SEC16B: variants seen among roughly 807,000 people sequenced by gnomAD.
The protein encoded by SEC16B is SEC16 homolog B, endoplasmic reticulum export factor, also known as protein transport protein Sec16B.
Under a neutral mutation model 141.8 loss-of-function variants are expected in SEC16B, and 115 were observed. The ratio of observed to expected loss-of-function variants is 0.81; its 90% CI spans 0.70 to 0.95. SEC16B has a LOEUF of 0.95. SEC16B is among the 40% of genes least tolerant of loss of function. The pLI is 0.00. For synonymous variants in SEC16B, 493 were observed against 492.5 expected (o/e 1.00, Z -0.01); for missense variants, 1,291 against 1,312.3 (o/e 0.98, Z 0.25).
intron 1 of SEC16B, among the ~76,000 whole-genome samples, chr1:177,977,440 T>C (rs1654213670): frequency 6.6e-6 from 1 of 152,160 alleles, no homozygotes; most frequent in South Asian, 2.1e-4. Flanking sequence ...AAAAATATCA[T>C]ATTATATAAG....
At chr1:177,968,297 CA>C (rs1462464631) in intron 1 of SEC16B, among the ~76,000 whole-genome samples, 2 of 152,146 alleles carry the variant, frequency 1.3e-5, no homozygotes, top group African/African-American at 4.8e-5. Context: ...GCAAGGGAGA[CA>C]GATAACAATA....
intron 1 of SEC16B, 25 bp downstream of exon 1, chr1:177,969,859 G>A (rs1256511245): frequency 6.6e-6 from 1 of 152,172 alleles, no homozygotes; most frequent in East Asian, 1.9e-4. Flanking sequence ...AGAGGGGAAA[G>A]AAGGGAGCGA....
chr1:177,940,338 A>T (rs1651182587), intron 17 of SEC16B, among the ~76,000 whole-genome samples: 1 of 152,132 alleles, frequency 6.6e-6, no homozygotes, highest in South Asian at 2.1e-4. Flanking sequence ...GGCCTCAGGG[A>T]AGGATGGCAA....
At chr1:177,935,144 C>G (rs1385068715) in intron 20 of SEC16B, among the ~76,000 whole-genome samples, 2 of 152,090 alleles carry the variant, frequency 1.3e-5, no homozygotes, top group African/African-American at 4.8e-5. Flanking sequence ...ACTTGAAGGC[C>G]TCCTCAGAGA....
intron 10 of SEC16B, among the ~76,000 whole-genome samples, chr1:177,955,256 G>A (rs1486193597): frequency 1.3e-5 from 2 of 152,098 alleles, no homozygotes; most frequent in Non-Finnish European, 2.9e-5. Context: ...TACACTTTGG[G>A]AGGTGGAGGG....
chr1:177,972,515 T>C (rs146358277), upstream of SEC16B, among the ~76,000 whole-genome samples: 38 of 152,306 alleles, frequency 2.5e-4, no homozygotes, highest in African/African-American at 8.7e-4. Context: ...GGCTCCCTCA[T>C]GCCCAAATGG....
At chr1:177,960,214 T>C (rs1301266986) in intron 8 of SEC16B, 128 bp downstream of exon 8, 1 of 686,162 alleles carries the variant, frequency 1.5e-6, no homozygotes, top group Non-Finnish European at 2.6e-6. Context: ...GCACAGAGAA[T>C]TCCACTCCAA....
intron 3 of SEC16B, among the ~76,000 whole-genome samples, chr1:177,965,572 C>CT (rs1160702280): frequency 6.6e-6 from 1 of 152,174 alleles, no homozygotes; most frequent in Non-Finnish European, 1.5e-5. Flanking sequence ...AGCAGATGTC[C>CT]TTAAGAACTG....
chr1:177,965,815 C>T (rs2101998194), intron 3 of SEC16B, 78 bp downstream of exon 3: 1 of 833,250 alleles, frequency 1.2e-6, no homozygotes, highest in South Asian at 1.7e-5. Context: ...GAACATGGCT[C>T]CTTTGGTCTC....
At chr1:177,965,610 T>C (rs993378767) in intron 3 of SEC16B, among the ~76,000 whole-genome samples, 5 of 152,202 alleles carry the variant, frequency 3.3e-5, no homozygotes, top group Non-Finnish European at 2.9e-5. Flanking sequence ...TCAAAGACTA[T>C]ATAATCTGGG....
intron 18 of SEC16B, 66 bp downstream of exon 18, chr1:177,939,636 C>G: frequency 7.5e-7 from 1 of 1,332,064 alleles, no homozygotes; most frequent in Admixed American, 2.0e-5. Flanking sequence ...TCATAAATTA[C>G]TTTGTCTCGT....
At chr1:177,974,427 G>A (rs762420511), upstream of SEC16B, among the ~76,000 whole-genome samples, 27 of 152,148 alleles carry the variant, frequency 1.8e-4, no homozygotes, top group Non-Finnish European at 3.2e-4. Flanking sequence ...CAACATGGAG[G>A]TGCCAGAAAG....
chr1:177,953,859 C>A (rs922888088), intron 11 of SEC16B, among the ~76,000 whole-genome samples: 1 of 152,146 alleles, frequency 6.6e-6, no homozygotes, highest in Non-Finnish European at 1.5e-5. Flanking sequence ...CCCACACCCC[C>A]ACCCTACTCT....
chr1:177,951,053 G>T (rs1652156686), intron 12 of SEC16B, among the ~76,000 whole-genome samples: 1 of 151,258 alleles, frequency 6.6e-6, no homozygotes, highest in African/African-American at 2.4e-5. Flanking sequence ...GGAAGGAAAG[G>T]AGGGCAAGAG....
At position 177,961,843 on chromosome 1, in the gene SEC16B, G is replaced by A. The variant is rs984742987; in HGVS notation, c.643-109C>T. On this transcript the variant is annotated intron_variant, in intron 5 of 25. Transcript: ENST00000308284. ...TACGGTGAAAGTGGATGTGTTGAAA[G>A]GATAAAAAGAGATAATCAAGTTGAT... 8 of 1,035,626 alleles carry A rather than the reference G, an allele frequency of 7.7e-6. No homozygotes were observed. In the African/African-American group the frequency reaches 1.1e-4, roughly 15 times the overall value. The allele number at this position is 1,035,626 out of a possible 1,614,324, so 64.2% of individuals were successfully genotyped here.
At chr1:177,934,516 G>C (rs1650694140) in intron 20 of SEC16B, among the ~76,000 whole-genome samples, 1 of 152,202 alleles carries the variant, frequency 6.6e-6, no homozygotes, top group African/African-American at 2.4e-5. Context: ...TGAATATAGT[G>C]TTGACTTTGT....
At position 177,968,035 on chromosome 1, in the gene SEC16B, T is replaced by A; in HGVS notation, c.-54A>T. The A allele has an allele frequency of 6.7e-7, 1 of 1,497,310 alleles. No individual in the cohort carries two copies. Among genetic ancestry groups the A allele is most frequent in the Admixed American group, 2.2e-5 (1 of 45,406 alleles). 92.8% of individuals were successfully genotyped at this position (1,497,310 alleles called of 1,614,324 possible). ...TTGAGTAAGTTGTGCAGTTATTTTA[T>A]CTTCCTGCAGACAAAAGAAAAAGGA... On this transcript the variant is annotated 5_prime_UTR_variant, in exon 2 of 26. Transcript: ENST00000308284.
At chr1:177,936,169 C>T (rs554176018) in intron 20 of SEC16B, 129 bp downstream of exon 20, 161 of 722,792 alleles carry the variant, frequency 2.2e-4, no homozygotes, top group Admixed American at 4.0e-4. Flanking sequence ...AAAGGCAAGG[C>T]GAGATGTGGA....
chr1:177,976,094 G>A (rs909412746), intron 1 of SEC16B, among the ~76,000 whole-genome samples: 2 of 152,184 alleles, frequency 1.3e-5, no homozygotes, highest in East Asian at 1.9e-4. Context: ...GCTTCCTACA[G>A]GACCAAGGCA....
Sources: allele counts gnomAD v4.1 joint callset (sites outside exome capture counted in the v4.1 genomes callset), GRCh38; gene constraint gnomAD v4.1.1; transcripts MANE v1.5; gene names NCBI Gene and HGNC (gene_info 2026-07-23, HGNC 2026-07-21).